Variants in PSMF1 observed in about 807,000 individuals in gnomAD.
PSMF1 encodes the protein proteasome inhibitor subunit 1.
PSMF1 carries 30 observed loss-of-function variants against 29.3 expected under a neutral mutation model. That is an observed-to-expected ratio of 1.02 (90% CI 0.77 to 1.39). The LOEUF (loss-of-function observed/expected upper bound fraction) is 1.39. Ranked by LOEUF, PSMF1 falls within the 40% of genes most tolerant of loss-of-function variation. PSMF1 has a pLI of 0.00. For missense variants in PSMF1, 344 were observed against 357.5 expected (o/e 0.96, Z 0.31); for synonymous variants, 134 against 139.7 (o/e 0.96, Z 0.29).
chr20:1,132,349 C>G (rs2086241150), intron 3 of PSMF1, among the ~76,000 whole-genome samples: 1 of 151,332 alleles, frequency 6.6e-6, no homozygotes, highest in South Asian at 2.1e-4. Context: ...GATCTTGGCT[C>G]ACTTCAACCT....
chr20:1,131,224 A>C (rs1360914962), intron 3 of PSMF1, among the ~76,000 whole-genome samples: 3 of 152,222 alleles, frequency 2.0e-5, no homozygotes, highest in African/African-American at 7.2e-5. Context: ...AGAACCTAGG[A>C]ATTATACTGG....
chr20:1,141,485 T>TC (rs373048944), intron 4 of PSMF1, among the ~76,000 whole-genome samples: 1 of 152,186 alleles, frequency 6.6e-6, no homozygotes, highest in Non-Finnish European at 1.5e-5. Flanking sequence ...GCTTTTTTTT[T>TC]CTTTTTAATA....
At chr20:1,125,054 T>G (rs899719121) in intron 1 of PSMF1, among the ~76,000 whole-genome samples, 1 of 152,268 alleles carries the variant, frequency 6.6e-6, no homozygotes, top group African/African-American at 2.4e-5. Flanking sequence ...TTATAATTTT[T>G]GTACATCACT....
intron 4 of PSMF1, among the ~76,000 whole-genome samples, chr20:1,153,651 C>T (rs577373506): frequency 6.6e-6 from 1 of 152,258 alleles, no homozygotes; most frequent in East Asian, 1.9e-4. Context: ...ATTCCATCTA[C>T]CACAATCTGT....
intron 3 of PSMF1, among the ~76,000 whole-genome samples, chr20:1,128,475 A>T (rs1157412924): frequency 2.0e-5 from 3 of 152,242 alleles, no homozygotes; most frequent in African/African-American, 7.2e-5. Context: ...TTGCTACATC[A>T]GTGCCTACCA....
At chr20:1,115,351 A>C (rs55751955), upstream of PSMF1, among the ~76,000 whole-genome samples, 564 of 81,908 alleles carry the variant, frequency 6.9e-3, 11 homozygotes, top group Middle Eastern at 0.014. Flanking sequence ...TGTTGAACCA[A>C]GGGGTGGGGG....
At position 1,166,020 on chromosome 20, in the gene PSMF1, A is replaced by G; in HGVS notation, c.*940A>G. ...TAACCCCTATAAACTGGGGCAGAGGAAAAGAATGATGGTTCAAGGCCATAC... is the reference window on the plus strand; with the variant it reads ...TAACCCCTATAAACTGGGGCAGAGGGAAAGAATGATGGTTCAAGGCCATAC... On this transcript the variant is annotated 3_prime_UTR_variant, in exon 7 of 7. Transcript: ENST00000335877. The G allele has an allele frequency of 7.0e-7, 1 of 1,435,108 alleles. No homozygotes were observed. Among genetic ancestry groups the G allele is most frequent in the Non-Finnish European group, 9.1e-7 (1 of 1,094,218 alleles). 88.9% of individuals were successfully genotyped at this position (1,435,108 alleles called of 1,614,324 possible).
chr20:1,147,361 C>T (rs978565465), intron 4 of PSMF1, among the ~76,000 whole-genome samples: 10 of 152,168 alleles, frequency 6.6e-5, no homozygotes, highest in Admixed American at 2.6e-4. Context: ...AGCTTCTCAG[C>T]GTTATCTCGC....
Position 1,161,369 on chromosome 20 carries a change from T to C in PSMF1, c.552-1761T>C, listed in dbSNP as rs1265796876. ...TGGAGGTGTTGTTCCAGCCCTTCTT[T>C]CTGGGTGTGGAATTTTGCAGCATCC... On this transcript the variant is annotated intron_variant, in intron 4 of 6. Coordinates refer to ENST00000335877, the MANE Select transcript of PSMF1 (RefSeq NM_006814.5). 2.0e-5 allele frequency: 7 copies of C among 344,486 alleles called. No individual in the cohort carries two copies. In the East Asian group the frequency reaches 4.4e-4, roughly 22 times the overall value. The allele number at this position is 344,486 out of a possible 1,614,324, so 21.3% of individuals were successfully genotyped here. A position where few individuals can be genotyped will look rare whatever the true frequency, so the allele number is the denominator to read the frequency against.
In PSMF1 at chr20:1,118,878, C is replaced by T; in HGVS notation, c.105C>T (p.Tyr35=). 1 of 1,614,180 alleles carries T rather than the reference C, an allele frequency of 6.2e-7. No individual in the cohort carries two copies. The change falls in exon 1 of 7, where the codon TAC becomes TAT. Residue 35 remains tyrosine, a synonymous_variant. Transcript: ENST00000335877. ...FLHWEVVTHG[Y]FGLGVGDQPG... is the part of the protein sequence containing the mutation. ...ATTGGGAAGTGGTGACACACGGTTA[C>T]TTCGGCTTGGGTGTCGGTGACCAGG...
Position 1,125,605 on chromosome 20 carries a change from T to C in PSMF1, c.237T>C (p.Leu79=). ...ATAAGGATGGGTCCAGAAAGCTCCT[T>C]GTGAAAGCCATCACCGTGGAGAGCA... ...YEYKDGSRKL[L]VKAITVESSM... The change falls in exon 2 of 7, where the codon CTT becomes CTC. Residue 79 remains leucine, a synonymous_variant. Transcript: ENST00000335877. 1 of 1,613,988 alleles carries C rather than the reference T, an allele frequency of 6.2e-7. No individual in the cohort carries two copies. The highest frequency in any genetic ancestry group is 8.5e-7 in the Non-Finnish European group (1 of 1,179,952).
At chr20:1,148,624 G>A (rs1332967160) in intron 4 of PSMF1, among the ~76,000 whole-genome samples, 5 of 152,072 alleles carry the variant, frequency 3.3e-5, no homozygotes, top group African/African-American at 1.2e-4. Flanking sequence ...ATTTACTAAA[G>A]TGCCAAACAT....
In PSMF1 at chr20:1,169,060, G is replaced by A. The variant is rs73893603; in HGVS notation, c.*3980G>A. Among the ~76,000 whole-genome samples, 1 of 152,178 alleles carries A rather than the reference G, an allele frequency of 6.6e-6. No individual in the cohort carries two copies. The highest frequency in any genetic ancestry group is 6.5e-5 in the Admixed American group (1 of 15,278). On this transcript the variant is annotated 3_prime_UTR_variant, in exon 7 of 7. Transcript: ENST00000335877. ...CTCTGGAGTTCCTAATCCCCAGATTGTAGCAATGATGATGTGATCCTGCTG... is the reference window on the plus strand; with the variant it reads ...CTCTGGAGTTCCTAATCCCCAGATTATAGCAATGATGATGTGATCCTGCTG...
chr20:1,144,785 T>A (rs2086427628), intron 4 of PSMF1, among the ~76,000 whole-genome samples: 1 of 152,056 alleles, frequency 6.6e-6, no homozygotes, highest in African/African-American at 2.4e-5. Context: ...GGGCTGTAGG[T>A]GTGGTTATTA....
At chr20:1,123,641 T>A (rs773632290) in intron 1 of PSMF1, among the ~76,000 whole-genome samples, 1 of 152,250 alleles carries the variant, frequency 6.6e-6, no homozygotes, top group Non-Finnish European at 1.5e-5. Flanking sequence ...CCACTTTTGC[T>A]ACCTTAGCCA....
At chr20:1,132,780 C>A (rs2086246901) in intron 3 of PSMF1, among the ~76,000 whole-genome samples, 1 of 152,140 alleles carries the variant, frequency 6.6e-6, no homozygotes, top group South Asian at 2.1e-4. Flanking sequence ...TAATTTTCAA[C>A]ATATAGATCC....
At chr20:1,159,851 T>C (rs1269289250) in intron 4 of PSMF1, among the ~76,000 whole-genome samples, 1 of 152,186 alleles carries the variant, frequency 6.6e-6, no homozygotes, top group Non-Finnish European at 1.5e-5. Flanking sequence ...CAGGTGGAAC[T>C]GACTGGAGGA....
Position 1,164,348 on chromosome 20 carries a change from C to G in PSMF1, c.636C>G (p.Pro212=), listed in dbSNP as rs376298956. The change falls in exon 6 of 7, where the codon CCC becomes CCG. Residue 212 remains proline (P), a synonymous_variant. Transcript: ENST00000335877. The surrounding 1 kb of genome is among the most constrained non-coding windows in gnomAD (Gnocchi z 4.1). The part of the protein sequence containing the change: ...GPRRGGMIVD[P]LRSGFPRALI... ...GGAGAGGTGGCATGATTGTGGATCC[C>G]CTGAGATCTGGCTTCCCAAGAGCAC... 70 of 1,613,922 alleles carry G rather than the reference C, an allele frequency of 4.3e-5. No homozygotes were observed. Among genetic ancestry groups the G allele is most frequent in the Non-Finnish European group, 5.4e-5 (64 of 1,179,936 alleles).
Position 1,166,053 on chromosome 20 carries a change from G to C in PSMF1, c.*973G>C, listed in dbSNP as rs979670290. On this transcript the variant is annotated 3_prime_UTR_variant, in exon 7 of 7. Coordinates refer to ENST00000335877, the MANE Select transcript of PSMF1 (RefSeq NM_006814.5). ...GATGGTTCAAGGCCATACTTCCCTTGAACCTTGTGTGGTTCTTGCCTAACT... is the reference window on the plus strand; with the variant it reads ...GATGGTTCAAGGCCATACTTCCCTTCAACCTTGTGTGGTTCTTGCCTAACT... 1 of 1,481,374 alleles carries C rather than the reference G, an allele frequency of 6.8e-7. No individual in the cohort carries two copies. 91.8% of individuals were successfully genotyped at this position (1,481,374 alleles called of 1,614,324 possible).
Sources: allele counts gnomAD v4.1 joint callset (sites outside exome capture counted in the v4.1 genomes callset), GRCh38; gene constraint gnomAD v4.1.1; non-coding constraint Gnocchi (gnomAD v3.1); transcripts MANE v1.5; gene names NCBI Gene and HGNC (gene_info 2026-07-23, HGNC 2026-07-21).